CCDC12: variants seen among roughly 807,000 people sequenced by gnomAD.
CCDC12 encodes the protein coiled-coil domain-containing protein 12.
CCDC12 carries 28 observed loss-of-function variants against 25.7 expected under a neutral mutation model. That is an observed-to-expected ratio of 1.09 (90% CI 0.81 to 1.50). CCDC12 has a LOEUF of 1.50. Ranked by LOEUF, CCDC12 falls within the 40% of genes most tolerant of loss-of-function variation. The probability of loss-of-function intolerance (pLI) is 0.00; values close to 1 mark genes in which losing one functional copy is unlikely to be tolerated. For missense variants in CCDC12, 198 were observed against 210.0 expected, an observed-to-expected ratio of 0.94 and a Z score of 0.35; for synonymous variants, 75 against 87.7, an observed-to-expected ratio of 0.86 and a Z score of 0.81.
At position 46,963,038 on chromosome 3, in the gene CCDC12, T is replaced by G. The variant is rs75357577; in HGVS notation, c.96+13599A>C. Among the ~76,000 whole-genome samples the G allele has an allele frequency of 4.6e-5, 7 of 152,328 alleles. No homozygotes were observed. In the East Asian group the frequency reaches 1.4e-3, roughly 29 times the overall value. Reference sequence around the variant, plus strand: ...ATGCACTAATTCCACACCCAACAACTGACAAACATATGATGAATGAAAGAG... The same window carrying G: ...ATGCACTAATTCCACACCCAACAACGGACAAACATATGATGAATGAAAGAG... On this transcript the variant is annotated intron_variant, in intron 1 of 6. Transcript: ENST00000683445.
At chr3:46,979,699 T>C, upstream of CCDC12, 1 of 311,478 alleles carries the variant, frequency 3.2e-6, no homozygotes, top group Non-Finnish European at 5.9e-6. Flanking sequence ...CTTGGGTGGC[T>C]CTGCGCCGCG....
intron 2 of CCDC12, among the ~76,000 whole-genome samples, chr3:46,928,310 G>C (rs2033061020): frequency 6.6e-6 from 1 of 152,186 alleles, no homozygotes; most frequent in African/African-American, 2.4e-5. Flanking sequence ...AAGGATTTCA[G>C]GGGCTGCAAT....
At chr3:46,922,410 T>C in intron 5 of CCDC12, 98 bp from the exon 6 acceptor site, 1 of 1,355,380 alleles carries the variant, frequency 7.4e-7, no homozygotes, top group Non-Finnish European at 1.1e-6. Flanking sequence ...TTAGGAGTCA[T>C]GCTCGGTTGC....
chr3:46,937,441 C>T (rs928695751), intron 2 of CCDC12, among the ~76,000 whole-genome samples: 1 of 152,192 alleles, frequency 6.6e-6, no homozygotes, highest in Non-Finnish European at 1.5e-5. Context: ...ACACCTGGCA[C>T]CTGGGCTCAA....
intron 1 of CCDC12, 95 bp downstream of exon 1, chr3:46,976,542 C>T (rs1298932902): frequency 7.4e-6 from 11 of 1,479,802 alleles, no homozygotes; most frequent in Middle Eastern, 3.9e-4. Flanking sequence ...CCCTCGGCAG[C>T]TGTCTTTCCT....
intron 1 of CCDC12, among the ~76,000 whole-genome samples, chr3:46,957,930 G>A (rs1414573582): frequency 2.7e-5 from 4 of 148,036 alleles, no homozygotes; most frequent in African/African-American, 7.4e-5. Flanking sequence ...CCAACAGAGC[G>A]AGACTCCATC....
chr3:46,949,455 C>T (rs778164567), intron 1 of CCDC12, among the ~76,000 whole-genome samples: 1 of 152,192 alleles, frequency 6.6e-6, no homozygotes, highest in Non-Finnish European at 1.5e-5. Flanking sequence ...CCAGACTGGA[C>T]GAGTTCCTCT....
intron 1 of CCDC12, among the ~76,000 whole-genome samples, chr3:46,949,945 C>T (rs1314179973): frequency 2.0e-5 from 3 of 150,568 alleles, no homozygotes; most frequent in Non-Finnish European, 4.4e-5. Context: ...GAGAACTGCT[C>T]GAACCCAGAG....
intron 1 of CCDC12, among the ~76,000 whole-genome samples, chr3:46,951,798 A>AAAAAAAAT: frequency 1.2e-4 from 1 of 8,476 alleles, no homozygotes; most frequent in African/African-American, 2.5e-4. Flanking sequence ...AAAAAAAAAA[A>AAAAAAAAT]ATATATATAT....
chr3:46,968,179 G>A (rs2034694116), intron 1 of CCDC12, among the ~76,000 whole-genome samples: 1 of 152,164 alleles, frequency 6.6e-6, no homozygotes, highest in Non-Finnish European at 1.5e-5. Context: ...GAGAGCTTGG[G>A]CAGAAAAGCT....
chr3:46,939,466 G>A (rs969753050), intron 2 of CCDC12, among the ~76,000 whole-genome samples: 1 of 152,056 alleles, frequency 6.6e-6, no homozygotes, highest in Non-Finnish European at 1.5e-5. Flanking sequence ...GAATAAACCA[G>A]AAGACCAAAG....
intron 1 of CCDC12, among the ~76,000 whole-genome samples, chr3:46,968,012 T>G (rs1396827572): frequency 6.6e-6 from 1 of 152,034 alleles, no homozygotes; most frequent in Non-Finnish European, 1.5e-5. Flanking sequence ...AACAGGTAGG[T>G]CTGAGAAACT....
intron 1 of CCDC12, among the ~76,000 whole-genome samples, chr3:46,946,845 G>A (rs2033927109): frequency 6.6e-6 from 1 of 152,202 alleles, no homozygotes; most frequent in Non-Finnish European, 1.5e-5. Context: ...CTTGAGTTCA[G>A]GGGATGAGGA....
intron 3 of CCDC12, 69 bp from the exon 4 acceptor site, chr3:46,923,737 C>T: frequency 7.7e-7 from 1 of 1,306,650 alleles, no homozygotes; most frequent in Non-Finnish European, 1.0e-6. Flanking sequence ...ACACTGCCTA[C>T]CGTGGCCCCC....
intron 2 of CCDC12, among the ~76,000 whole-genome samples, chr3:46,938,518 G>GTTTTTTTTTTTTTTTTTTT (rs66474878): frequency 1.1e-5 from 1 of 91,380 alleles, no homozygotes; most frequent in Non-Finnish European, 2.0e-5. Context: ...TTCCCCTCCT[G>GTTTTTTTTTTTTTTTTTTT]TTTTTTTTTT....
chr3:46,927,133 C>A (rs988612808), intron 2 of CCDC12, among the ~76,000 whole-genome samples: 3 of 152,148 alleles, frequency 2.0e-5, no homozygotes, highest in Non-Finnish European at 1.5e-5. Context: ...TGAACCACTG[C>A]GGGCGATGGG....
chr3:46,931,603 T>C (rs927278123), intron 2 of CCDC12, among the ~76,000 whole-genome samples: 10 of 72,920 alleles, frequency 1.4e-4, no homozygotes, highest in African/African-American at 3.5e-4. Flanking sequence ...CCTGCTGCCC[T>C]GGGCCCCTGG....
At chr3:46,944,048 T>C (rs2033814752) in intron 1 of CCDC12, among the ~76,000 whole-genome samples, 1 of 152,048 alleles carries the variant, frequency 6.6e-6, no homozygotes, top group African/African-American at 2.4e-5. Flanking sequence ...CCCGGGATAG[T>C]GGAGGGAAGC....
intron 1 of CCDC12, among the ~76,000 whole-genome samples, chr3:46,968,175 T>C: frequency 6.6e-6 from 1 of 152,150 alleles, no homozygotes; most frequent in East Asian, 1.9e-4. Flanking sequence ...GTCTGAGAGC[T>C]TGGGCAGAAA....
Sources: allele counts gnomAD v4.1 joint callset (sites outside exome capture counted in the v4.1 genomes callset), GRCh38; gene constraint gnomAD v4.1.1; transcripts MANE v1.5; gene names NCBI Gene and HGNC (gene_info 2026-07-23, HGNC 2026-07-21).